The following GRAMD1B variants were observed in gnomAD, a reference collection of about 807,000 sequenced individuals.
The protein encoded by GRAMD1B is GRAM domain containing 1B.
GRAMD1B carries 37 observed loss-of-function variants against 99.7 expected under a neutral mutation model. The observed-to-expected ratio is 0.37, with a 90% CI of 0.29 to 0.49. The LOEUF is 0.49. Among genes scored for constraint, GRAMD1B ranks in the 20% least tolerant of loss-of-function variants. The probability of loss-of-function intolerance (pLI) is 0.98; values close to 1 mark genes in which losing one functional copy is unlikely to be tolerated. For synonymous variants in GRAMD1B, 427 were observed against 387.6 expected, an observed-to-expected ratio of 1.10 and a Z score of -1.19; for missense variants, 888 against 1,009.2, an observed-to-expected ratio of 0.88 and a Z score of 1.63.
rs142878833 is a variant in GRAMD1B at position 123,423,511 on chromosome 11, G to A, written c.-175-57305G>A. On this transcript the variant is annotated intron_variant, in intron 1 of 20. Coordinates refer to the GRAMD1B transcript ENST00000638157. ...CTTTTTGCTGACTAATTTCTGGAAAGGGCAGTCTAATCTTGCAGCTTCCAT... is the reference window on the plus strand; with the variant it reads ...CTTTTTGCTGACTAATTTCTGGAAAAGGCAGTCTAATCTTGCAGCTTCCAT... Among the ~76,000 whole-genome samples, 479 of 152,238 alleles carry A rather than the reference G, an allele frequency of 3.1e-3. 3 individuals carry two copies. Among genetic ancestry groups the A allele is most frequent in the African/African-American group, 0.011 (468 of 41,546 alleles).
rs138381783 is a variant in GRAMD1B, at chr11:123,586,505, G to A, written c.684+2173G>A. 3.4e-4 allele frequency among the ~76,000 whole-genome samples: 52 copies of A among 152,332 alleles called. 1 individual carries two copies. The highest frequency in any genetic ancestry group is 2.4e-4 in the Non-Finnish European group (16 of 68,034). On this transcript the variant is annotated intron_variant, in intron 4 of 19. Coordinates refer to ENST00000635736, the MANE Select transcript of GRAMD1B (RefSeq NM_001387025.1). ...CTCTTTGCTGAGGAGTGTGTGGGGC[G>A]GTCCTCTCCTGGACTCATGCGGTCC... is the stretch of plus-strand genomic sequence containing the variant.
Position 123,510,230 on chromosome 11 carries a change from C to CG in GRAMD1B, c.452+29339dup, listed in dbSNP as rs1940854076. Among the ~76,000 whole-genome samples, 1 of 152,168 alleles carries CG rather than the reference C, an allele frequency of 6.6e-6. No individual in the cohort carries two copies. The highest frequency in any genetic ancestry group is 1.5e-5 in the Non-Finnish European group (1 of 68,022). Reference sequence around the variant, plus strand: ...TGACCTTCTCCCTTCCTGCTCCCCCCGGCTCTTGCTCATTACCTGCCAGCT... The same window carrying CG: ...TGACCTTCTCCCTTCCTGCTCCCCCCGGGCTCTTGCTCATTACCTGCCAGCT... On this transcript the variant is annotated intron_variant, in intron 2 of 19. Coordinates refer to ENST00000635736, the MANE Select transcript of GRAMD1B (RefSeq NM_001387025.1). This position sits in a 1 kb window ranked among gnomAD's most constrained non-coding sequence, Gnocchi z 4.3.
chr11:123,540,914 T>C (rs1944447097), intron 2 of GRAMD1B, among the ~76,000 whole-genome samples: 1 of 152,050 alleles, frequency 6.6e-6, no homozygotes, highest in Admixed American at 6.5e-5. Context: ...ATTGAGCTTA[T>C]CTGTAGTTTT....
At chr11:123,536,683 C>T (rs183257241) in intron 2 of GRAMD1B, among the ~76,000 whole-genome samples, 3 of 152,242 alleles carry the variant, frequency 2.0e-5, no homozygotes, top group African/African-American at 7.2e-5. Flanking sequence ...GTGGGGCCAG[C>T]GAGTTCTGAT....
At chr11:123,361,848 G>A (rs1471442692) in intron 1 of GRAMD1B, among the ~76,000 whole-genome samples, 1 of 152,228 alleles carries the variant, frequency 6.6e-6, no homozygotes, top group Non-Finnish European at 1.5e-5. Flanking sequence ...TGGCAACAGT[G>A]TTACTGCAGA....
intron 1 of GRAMD1B, among the ~76,000 whole-genome samples, chr11:123,447,108 G>GA (rs909150305): frequency 2.0e-5 from 3 of 151,254 alleles, no homozygotes; most frequent in Admixed American, 2.0e-4. Context: ...ACTAAAGCAT[G>GA]AAAAAAAAAT....
At chr11:123,464,914 G>A (rs181571248) in intron 1 of GRAMD1B, among the ~76,000 whole-genome samples, 21 of 152,260 alleles carry the variant, frequency 1.4e-4, no homozygotes, top group Non-Finnish European at 2.4e-4. Context: ...AGCTAAGGAA[G>A]GCAGATGGAA....
intron 1 of GRAMD1B, among the ~76,000 whole-genome samples, chr11:123,472,118 A>G (rs1466867698): frequency 6.6e-6 from 1 of 151,946 alleles, no homozygotes; most frequent in Non-Finnish European, 1.5e-5. Context: ...CTGTCATCCC[A>G]GCTACTCAGG....
intron 3 of GRAMD1B, among the ~76,000 whole-genome samples, chr11:123,582,399 A>G (rs940336153): frequency 5.9e-5 from 9 of 152,250 alleles, no homozygotes; most frequent in African/African-American, 1.9e-4. Context: ...AGTTTTTAAT[A>G]TTTGGATTTG....
chr11:123,452,510 G>A (rs929124910), intron 1 of GRAMD1B, among the ~76,000 whole-genome samples: 9 of 152,124 alleles, frequency 5.9e-5, no homozygotes, highest in Non-Finnish European at 1.3e-4. Context: ...GCCAGGCGTG[G>A]TGATGGGTAC....
At position 123,433,113 on chromosome 11, in the gene GRAMD1B, G is replaced by A. The variant is rs1221240050; in HGVS notation, c.374+1947G>A. Among the ~76,000 whole-genome samples the A allele has an allele frequency of 3.3e-5, 5 of 152,260 alleles. No homozygotes were observed. The East Asian group carries it at 9.7e-4, about 29-fold the overall frequency. On this transcript the variant is annotated intron_variant, in intron 1 of 19. Transcript: ENST00000635736. ...TAATGCCTGTAATCCCAGCACTTTG[G>A]GAGGCTGAGGCGGGAGGGTCACCTG...
At chr11:123,439,395 A>T (rs1259132153) in intron 1 of GRAMD1B, among the ~76,000 whole-genome samples, 1 of 152,136 alleles carries the variant, frequency 6.6e-6, no homozygotes, top group Non-Finnish European at 1.5e-5. Context: ...GTTTTCAAAT[A>T]TCCTCTTCTG....
In GRAMD1B at chr11:123,475,212, C is replaced by G. The variant is rs200984636; in HGVS notation, c.375-5604C>G. Among the ~76,000 whole-genome samples, 4 of 152,156 alleles carry G rather than the reference C, an allele frequency of 2.6e-5. No individual in the cohort carries two copies. In the East Asian group the frequency reaches 7.7e-4, roughly 29 times the overall value. On this transcript the variant is annotated intron_variant, in intron 1 of 19. Transcript: ENST00000635736. The stretch of plus-strand genomic sequence containing the variant: ...GATCACTGGAATCATGAGAATTTGC[C>G]CAGCCCGCATTGCAGAGCTTCCTGG...
intron 8 of GRAMD1B, among the ~76,000 whole-genome samples, chr11:123,601,104 G>T (rs1951898813): frequency 6.6e-6 from 1 of 152,046 alleles, no homozygotes; most frequent in Admixed American, 6.5e-5. Context: ...GTGGGAATAT[G>T]AGCCTTGGAT....
At chr11:123,404,573 C>G (rs1379508287) in intron 1 of GRAMD1B, among the ~76,000 whole-genome samples, 2 of 152,320 alleles carry the variant, frequency 1.3e-5, no homozygotes, top group African/African-American at 4.8e-5. Context: ...CTTAAGATCA[C>G]ACAGCACTTT....
intron 1 of GRAMD1B, among the ~76,000 whole-genome samples, chr11:123,392,083 A>T (rs897005330): frequency 1.3e-5 from 2 of 152,046 alleles, no homozygotes; most frequent in African/African-American, 4.8e-5. Flanking sequence ...ATCCTGGGGG[A>T]AGAGCATGCA....
intron 2 of GRAMD1B, among the ~76,000 whole-genome samples, chr11:123,533,090 C>T (rs1943574967): frequency 6.6e-6 from 1 of 152,218 alleles, no homozygotes; most frequent in African/African-American, 2.4e-5. Context: ...CTGCCTCAGC[C>T]TCCCGAGTAG....
At chr11:123,527,563 A>G (rs1233108905) in intron 2 of GRAMD1B, among the ~76,000 whole-genome samples, 2 of 149,282 alleles carry the variant, frequency 1.3e-5, no homozygotes, top group African/African-American at 2.5e-5. Flanking sequence ...GGGGTCTGGT[A>G]CCCCATTCTT....
chr11:123,438,724 T>C (rs1207701543), intron 1 of GRAMD1B, among the ~76,000 whole-genome samples: 1 of 152,148 alleles, frequency 6.6e-6, no homozygotes, highest in Non-Finnish European at 1.5e-5. Flanking sequence ...GGTATGAACA[T>C]GGGGCAGATG....
Sources: gnomAD v4.1 joint callset for allele counts (sites outside exome capture counted in the v4.1 genomes callset) on GRCh38, gnomAD v4.1.1 for gene constraint, Gnocchi (gnomAD v3.1) non-coding constraint, MANE v1.5 for transcripts, NCBI Gene and HGNC (gene_info 2026-07-23, HGNC 2026-07-21) for gene names.